The following TENM4 variants were observed in gnomAD, a reference collection of about 807,000 sequenced individuals.
TENM4 encodes teneurin-4.
Under a neutral mutation model 243.3 loss-of-function variants are expected in TENM4, and 82 were observed. The ratio of observed to expected loss-of-function variants is 0.34; its 90% CI spans 0.28 to 0.40. The LOEUF (loss-of-function observed/expected upper bound fraction) is 0.40. Among genes scored for constraint, TENM4 ranks in the 10% least tolerant of loss-of-function variants. The probability of loss-of-function intolerance (pLI) is 1.00; values close to 1 mark genes in which losing one functional copy is unlikely to be tolerated. For missense variants in TENM4, 3,138 were observed against 3,673.3 expected (o/e 0.85, Z 3.77); for synonymous variants, 1,412 against 1,456.3 (o/e 0.97, Z 0.69).
intron 4 of TENM4, among the ~76,000 whole-genome samples, chr11:79,121,991 A>T (rs1185240248): frequency 6.6e-6 from 1 of 152,224 alleles, no homozygotes; most frequent in Non-Finnish European, 1.5e-5. Context: ...ACCTTTTATC[A>T]TAGGATAACC....
chr11:78,664,035 C>T (rs1201029677), intron 32 of TENM4, among the ~76,000 whole-genome samples: 1 of 152,176 alleles, frequency 6.6e-6, no homozygotes, highest in Non-Finnish European at 1.5e-5. Flanking sequence ...AACATGGTAG[C>T]TGAAGCAAGA....
chr11:79,435,204 T>C (rs1427632235), intron 1 of TENM4, among the ~76,000 whole-genome samples: 2 of 152,052 alleles, frequency 1.3e-5, no homozygotes, highest in Non-Finnish European at 2.9e-5. Context: ...TGAGCACATA[T>C]TACTTTGGTC....
chr11:79,112,599 A>T (rs981388638), intron 4 of TENM4, among the ~76,000 whole-genome samples: 55 of 152,050 alleles, frequency 3.6e-4, no homozygotes, highest in African/African-American at 1.3e-3. Context: ...TGCGGTAGAG[A>T]CCCTTCTTTT....
At chr11:79,248,082 T>G (rs901209350) in intron 2 of TENM4, among the ~76,000 whole-genome samples, 1 of 152,150 alleles carries the variant, frequency 6.6e-6, no homozygotes, top group Non-Finnish European at 1.5e-5. Flanking sequence ...ACGTGGCTCA[T>G]TGGGAGCTTT....
chr11:78,972,558 A>T (rs1395022529), intron 6 of TENM4, among the ~76,000 whole-genome samples: 1 of 152,058 alleles, frequency 6.6e-6, no homozygotes, highest in Non-Finnish European at 1.5e-5. Context: ...TCAAGAAGAG[A>T]GCCCTTTAGG....
chr11:79,083,777 T>C (rs1020230438), intron 4 of TENM4, among the ~76,000 whole-genome samples: 116 of 152,072 alleles, frequency 7.6e-4, no homozygotes, highest in Non-Finnish European at 2.5e-4. Context: ...AGCACCATGG[T>C]TAAAAACACA....
chr11:79,300,190 A>G (rs1042252070), intron 1 of TENM4, among the ~76,000 whole-genome samples: 1 of 152,216 alleles, frequency 6.6e-6, no homozygotes, highest in South Asian at 2.1e-4. Context: ...ACTAAATACA[A>G]TAAAAACTCA....
chr11:78,857,235 C>T (rs1858702732), intron 10 of TENM4, among the ~76,000 whole-genome samples: 2 of 152,186 alleles, frequency 1.3e-5, no homozygotes, highest in Non-Finnish European at 2.9e-5. Context: ...TTATGAAGGA[C>T]TTCCTGGGTA....
At chr11:79,261,536 C>T (rs974688125) in intron 2 of TENM4, among the ~76,000 whole-genome samples, 11 of 152,130 alleles carry the variant, frequency 7.2e-5, no homozygotes, top group African/African-American at 2.7e-4. Flanking sequence ...AATGAGCCCC[C>T]ACAGTATCTT....
chr11:79,362,769 A>T (rs1280199499), intron 1 of TENM4, among the ~76,000 whole-genome samples: 4 of 152,224 alleles, frequency 2.6e-5, no homozygotes, highest in Non-Finnish European at 5.9e-5. Context: ...TTCTTTCACC[A>T]GTAAGAGAAG....
chr11:79,074,336 C>A (rs1325627131), intron 4 of TENM4, among the ~76,000 whole-genome samples: 1 of 151,902 alleles, frequency 6.6e-6, no homozygotes, highest in Non-Finnish European at 1.5e-5. Context: ...GTACAGTGAC[C>A]TGGAGCCCCC....
At chr11:79,404,016 T>A (rs148608807) in intron 1 of TENM4, among the ~76,000 whole-genome samples, 25 of 152,286 alleles carry the variant, frequency 1.6e-4, no homozygotes, top group African/African-American at 5.5e-4. Context: ...AGAAAGCACT[T>A]CACTGGCTCA....
At chr11:78,695,470 T>A (rs1858937269) in intron 28 of TENM4, among the ~76,000 whole-genome samples, 1 of 152,100 alleles carries the variant, frequency 6.6e-6, no homozygotes, top group Non-Finnish European at 1.5e-5. Flanking sequence ...TTTAAGTGAT[T>A]CTCCTGCCTC....
intron 6 of TENM4, among the ~76,000 whole-genome samples, chr11:78,910,632 A>G (rs1354602244): frequency 6.6e-6 from 1 of 152,198 alleles, no homozygotes; most frequent in African/African-American, 2.4e-5. Flanking sequence ...GCACCTTGCA[A>G]ACTGTAAAGT....
At chr11:79,212,554 T>A (rs79565956) in intron 3 of TENM4, among the ~76,000 whole-genome samples, 1,596 of 152,270 alleles carry the variant, frequency 0.01, 30 homozygotes, top group African/African-American at 0.037. Context: ...CATGACTGAA[T>A]GAATGAGTCA....
At chr11:78,907,415 G>C (rs925859657) in intron 6 of TENM4, among the ~76,000 whole-genome samples, 2 of 152,072 alleles carry the variant, frequency 1.3e-5, no homozygotes. Flanking sequence ...GCCAAGTATT[G>C]TACACTAGGT....
chr11:79,144,874 G>T (rs188212195), intron 4 of TENM4, among the ~76,000 whole-genome samples: 2 of 151,988 alleles, frequency 1.3e-5, no homozygotes, highest in Non-Finnish European at 2.9e-5. Context: ...TAGCATAACA[G>T]GTTGATTACA....
chr11:79,298,909 T>A (rs80284935), intron 1 of TENM4, among the ~76,000 whole-genome samples: 3 of 152,234 alleles, frequency 2.0e-5, no homozygotes, highest in African/African-American at 4.8e-5. Context: ...AAAAAATGTT[T>A]CTGCAGCTCT....
At chr11:78,800,152 T>G (rs1471098445) in intron 15 of TENM4, among the ~76,000 whole-genome samples, 1 of 152,228 alleles carries the variant, frequency 6.6e-6, no homozygotes, top group East Asian at 1.9e-4. Context: ...GATTAAATTC[T>G]TTCCCTTTTC....
Sources: gnomAD v4.1 joint callset for allele counts (sites outside exome capture counted in the v4.1 genomes callset) on GRCh38, gnomAD v4.1.1 for gene constraint, MANE v1.5 for transcripts, NCBI Gene and HGNC (gene_info 2026-07-23, HGNC 2026-07-21) for gene names.